DGKQ: variants seen among roughly 807,000 people sequenced by gnomAD.
DGKQ encodes the protein DAG kinase theta.
Under a neutral mutation model 104.2 loss-of-function variants are expected in DGKQ, and 97 were observed. The observed-to-expected ratio is 0.93, with a 90% CI of 0.79 to 1.10. The LOEUF is 1.10. DGKQ is among the 50% of genes least tolerant of loss of function. The pLI, the probability that DGKQ is intolerant of heterozygous loss-of-function variation, is 0.00. For synonymous variants in DGKQ, 736 were observed against 595.2 expected, an observed-to-expected ratio of 1.24 and a Z score of -3.44; for missense variants, 1,465 against 1,352.1, an observed-to-expected ratio of 1.08 and a Z score of -1.31.
intron 9 of DGKQ, 24 bp from the exon 10 acceptor site, chr4:967,078 G>A (rs1443720873): frequency 6.5e-7 from 1 of 1,545,276 alleles, no homozygotes; most frequent in Non-Finnish European, 8.8e-7. Context: ...GTCTGAGCTG[G>A]AGCTCCCCCC....
intron 8 of DGKQ, 72 bp downstream of exon 8, chr4:967,477 G>A: frequency 6.6e-7 from 1 of 1,525,102 alleles, no homozygotes; most frequent in South Asian, 1.2e-5. Context: ...GGGGGAGCCA[G>A]GTCAGGTGCG....
intron 15 of DGKQ, 59 bp downstream of exon 15, chr4:965,117 C>T (rs1577476853): frequency 1.4e-6 from 2 of 1,445,682 alleles, no homozygotes; most frequent in South Asian, 1.1e-5. Context: ...CTGCAGACCC[C>T]GACCTCCCTC....
At chr4:964,589 C>A (rs968006685) in intron 15 of DGKQ, among the ~76,000 whole-genome samples, 4 of 152,146 alleles carry the variant, frequency 2.6e-5, no homozygotes. Flanking sequence ...CCCAGCCCTG[C>A]CCTGTTGCCA....
At chr4:969,183 G>C (rs546496643) in intron 2 of DGKQ, among the ~76,000 whole-genome samples, 64 of 139,670 alleles carry the variant, frequency 4.6e-4, no homozygotes, top group African/African-American at 1.6e-3. Context: ...CCACACCCCC[G>C]GGTCCTGGGG....
chr4:969,910 C>T (rs978191855), intron 2 of DGKQ, among the ~76,000 whole-genome samples: 31 of 152,358 alleles, frequency 2.0e-4, no homozygotes, highest in African/African-American at 6.3e-4. Context: ...AGCGCCCGGC[C>T]GTTAAATACA....
At position 967,615 on chromosome 4, in the gene DGKQ, G is replaced by A; in HGVS notation, c.921C>T (p.Asp307=). The part of the protein sequence containing the change: ...KQTLKIFDGD[D]AVRRSQFRLV... ...GGCGGAACTGGCTTCTTCTCACCGC[G>A]TCGTCGCCATCAAAGATCTTCAGCG... The change falls in exon 8 of 23, where the codon GAC becomes GAT. Residue 307 remains aspartate, a synonymous_variant. Transcript: ENST00000273814. 7 of 1,612,666 alleles carry A rather than the reference G, an allele frequency of 4.3e-6. No individual in the cohort carries two copies. The highest frequency in any genetic ancestry group is 1.1e-5 in the South Asian group (1 of 91,086).
At position 971,589 on chromosome 4, in the gene DGKQ, T is replaced by C. The variant is rs568269743; in HGVS notation, c.272-517A>G. On this transcript the variant is annotated intron_variant, in intron 1 of 22. Transcript: ENST00000273814. The surrounding 1 kb of genome is among the most constrained non-coding windows in gnomAD (Gnocchi z 4.0). The stretch of plus-strand genomic sequence containing the variant: ...CTGGGAGGCAGGAGCCGCTGGGGAG[T>C]GGACAGCCCCAAGCCTCCCAAGGAG... Among the ~76,000 whole-genome samples the C allele has an allele frequency of 2.6e-5, 4 of 151,012 alleles. No individual in the cohort carries two copies. The highest frequency in any genetic ancestry group is 2.1e-4 in the South Asian group (1 of 4,742).
chr4:969,261 G>A (rs1477820074), intron 2 of DGKQ, among the ~76,000 whole-genome samples: 1 of 152,234 alleles, frequency 6.6e-6, no homozygotes, highest in Non-Finnish European at 1.5e-5. Context: ...TAGCGCAGGG[G>A]AGCGAGGCCC....
chr4:966,127 G>A (rs575284897), intron 12 of DGKQ, 49 bp from the exon 13 acceptor site: 36 of 1,533,602 alleles, frequency 2.3e-5, no homozygotes, highest in Non-Finnish European at 3.1e-5. Flanking sequence ...CGGCACCACC[G>A]CACCAGGCCC....
At chr4:969,272 G>C (rs1207399919) in intron 2 of DGKQ, among the ~76,000 whole-genome samples, 2 of 152,216 alleles carry the variant, frequency 1.3e-5, no homozygotes, top group Non-Finnish European at 2.9e-5. Context: ...AGCGAGGCCC[G>C]CCTGCCACCC....
chr4:972,185 G>A (rs2153011703), intron 1 of DGKQ, among the ~76,000 whole-genome samples: 2 of 152,214 alleles, frequency 1.3e-5, no homozygotes, highest in African/African-American at 4.8e-5. Flanking sequence ...CTCCGAAGGG[G>A]GAGGGGACCC....
intron 15 of DGKQ, among the ~76,000 whole-genome samples, chr4:964,770 C>T (rs1399722194): frequency 6.6e-6 from 1 of 152,192 alleles, no homozygotes; most frequent in African/African-American, 2.4e-5. Context: ...ATCCTGACAG[C>T]TGGTCACAAA....
rs918552140 is a variant in DGKQ at position 967,265 on chromosome 4, C to T, written c.1084G>A (p.Gly362Arg). ...PSSQACDAWA[G>R]GKAGSAVISE... ...ATCACAGCACTCCCAGCCTTGCCCC[C>T]AGCCCAGGCGTCACAGGCCTGAGAG... The change falls in exon 9 of 23, where the codon GGG (glycine) becomes AGG (arginine). Residue 362 changes from glycine to arginine, a missense_variant. Gly to Arg is a moderately radical substitution (Grantham distance 125). Coordinates refer to ENST00000273814, the MANE Select transcript of DGKQ (RefSeq NM_001347.4). 1 of 1,555,048 alleles carries T rather than the reference C, an allele frequency of 6.4e-7. No individual in the cohort carries two copies. Among genetic ancestry groups the T allele is most frequent in the South Asian group, 1.2e-5 (1 of 85,178 alleles).
chr4:962,439 G>A lies in DGKQ; in HGVS notation c.2210C>T (p.Pro737Leu), dbSNP rs781760189. 10 of 1,573,446 alleles carry A rather than the reference G, an allele frequency of 6.4e-6. No homozygotes were observed. The change falls in exon 18 of 23, where the codon CCC (proline) becomes CTC (leucine). Residue 737 changes from proline (P) to leucine (L), a missense_variant. Transcript: ENST00000273814. ...CCACGCCGGGCTGCCCTGTACCTTG[G>A]GGGGCTCTGCGTCTGCCGTGTCGTT... is the stretch of plus-strand genomic sequence containing the variant. ...AENDTADAEP[P>L]KIVQMSNYCG...
chr4:971,542 C>T lies in DGKQ; in HGVS notation c.272-470G>A, dbSNP rs1367661367. On this transcript the variant is annotated intron_variant, in intron 1 of 22. Transcript: ENST00000273814. The surrounding 1 kb of genome is among the most constrained non-coding windows in gnomAD (Gnocchi z 4.0). ...TGTGCACCGTGCCTGAGACCGAGAG[C>T]CACCCAAGGCAGGTGAGGGCTCTGG... is the stretch of plus-strand genomic sequence containing the variant. Among the ~76,000 whole-genome samples, 1 of 152,206 alleles carries T rather than the reference C, an allele frequency of 6.6e-6. No individual in the cohort carries two copies. Among genetic ancestry groups the T allele is most frequent in the African/African-American group, 2.4e-5 (1 of 41,446 alleles).
chr4:967,005 G>C lies in DGKQ; in HGVS notation c.1270C>G (p.Arg424Gly). Residue 424 changes from arginine (R) to glycine (G), a missense_variant, in exon 10 of 23, where the codon CGC (arginine) becomes GGC (glycine). By Grantham distance (125) the Arg-to-Gly change is moderately radical. Transcript: ENST00000273814. Reference sequence around the variant, plus strand: ...GGCAGGACCTCCAGCACCACAGAGCGGGCCGTGCTCTTCGGGGTCACTCGC... The same window carrying C: ...GGCAGGACCTCCAGCACCACAGAGCCGGCCGTGCTCTTCGGGGTCACTCGC... ...SVRVTPKSTA[R>G]SVVLEVLPLL... The C allele has an allele frequency of 6.4e-7, 1 of 1,565,664 alleles. No homozygotes were observed. Among genetic ancestry groups the C allele is most frequent in the Non-Finnish European group, 8.6e-7 (1 of 1,157,506 alleles).
chr4:969,340 G>A (rs1712739591), intron 2 of DGKQ, among the ~76,000 whole-genome samples: 1 of 152,224 alleles, frequency 6.6e-6, no homozygotes, highest in Non-Finnish European at 1.5e-5. Context: ...TCTCCTCCGA[G>A]CCAGGAAGAT....
At chr4:966,319 CTCATGACGAGGGCGCTGCCCTG>C in intron 12 of DGKQ, 125 bp downstream of exon 12, 1 of 946,174 alleles carries the variant, frequency 1.1e-6, no homozygotes, top group East Asian at 2.6e-5. Flanking sequence ...GACCAAGTAG[CTCATGACGAGGGCGCTGCCCTG>C]TCAGCCAGGA....
intron 12 of DGKQ, 53 bp downstream of exon 12, chr4:966,413 G>A (rs1278552907): frequency 2.5e-6 from 4 of 1,583,994 alleles, no homozygotes; most frequent in East Asian, 2.2e-5. Context: ...TGGGGCAGAG[G>A]CTGTGGCTGA....
Sources: allele counts gnomAD v4.1 joint callset (sites outside exome capture counted in the v4.1 genomes callset), GRCh38; gene constraint gnomAD v4.1.1; non-coding constraint Gnocchi (gnomAD v3.1); transcripts MANE v1.5; gene names NCBI Gene and HGNC (gene_info 2026-07-23, HGNC 2026-07-21).